The following MACROD2 variants were observed in gnomAD, a reference collection of about 807,000 sequenced individuals.
MACROD2 encodes the protein mono-ADP ribosylhydrolase 2.
A neutral mutation model predicts 70.4 loss-of-function variants in MACROD2; 36 were observed. The ratio of observed to expected loss-of-function variants is 0.51; its 90% CI spans 0.39 to 0.68. The LOEUF is 0.68. Ranked by LOEUF, MACROD2 falls within the 30% of genes least tolerant of loss-of-function variation. MACROD2 has a pLI of 0.00. For missense variants in MACROD2, 496 were observed against 538.4 expected, an observed-to-expected ratio of 0.92 and a Z score of 0.78; for synonymous variants, 172 against 178.8, an observed-to-expected ratio of 0.96 and a Z score of 0.30.
At chr20:14,389,421 CAAAAA>C (rs4052956) in intron 3 of MACROD2, among the ~76,000 whole-genome samples, 1 of 90,042 alleles carries the variant, frequency 1.1e-5, no homozygotes, top group African/African-American at 4.4e-5. Context: ...GACTTGGTCT[CAAAAA>C]AAAAAAAAAA....
chr20:14,860,170 T>C (rs1342357777), intron 5 of MACROD2, among the ~76,000 whole-genome samples: 1 of 152,162 alleles, frequency 6.6e-6, no homozygotes, highest in Non-Finnish European at 1.5e-5. Flanking sequence ...TATTGTCTGG[T>C]TGCTTCCTGA....
chr20:14,812,235 T>C (rs1398462528), intron 5 of MACROD2, among the ~76,000 whole-genome samples: 2 of 152,072 alleles, frequency 1.3e-5, no homozygotes, highest in Non-Finnish European at 2.9e-5. Context: ...CACCATGGAA[T>C]ACTATGCAGC....
intron 7 of MACROD2, among the ~76,000 whole-genome samples, chr20:15,450,708 A>G (rs927446636): frequency 5.3e-5 from 8 of 152,172 alleles, no homozygotes; most frequent in Non-Finnish European, 1.0e-4. Context: ...AATAGTGACA[A>G]TGAGCTTTCT....
intron 8 of MACROD2, among the ~76,000 whole-genome samples, chr20:15,593,412 A>G (rs1451170230): frequency 6.6e-6 from 1 of 152,178 alleles, no homozygotes; most frequent in Non-Finnish European, 1.5e-5. Context: ...TGTATCTCAA[A>G]TTCTCTAGTG....
chr20:14,875,423 T>G (rs2073539508), intron 5 of MACROD2, among the ~76,000 whole-genome samples: 1 of 152,124 alleles, frequency 6.6e-6, no homozygotes, highest in Non-Finnish European at 1.5e-5. Flanking sequence ...TCATCAAAAT[T>G]TATGCATCCA....
chr20:14,531,824 G>A (rs1034926177), intron 4 of MACROD2, among the ~76,000 whole-genome samples: 11 of 152,078 alleles, frequency 7.2e-5, no homozygotes, highest in African/African-American at 1.4e-4. Flanking sequence ...AGCTACCTCC[G>A]GGAAGGGAAG....
intron 4 of MACROD2, among the ~76,000 whole-genome samples, chr20:14,664,867 T>C (rs965800282): frequency 6.6e-6 from 1 of 152,082 alleles, no homozygotes; most frequent in Admixed American, 6.6e-5. Context: ...CAAAATAGTA[T>C]TGATGGACAA....
At chr20:15,062,150 G>A (rs916459194) in intron 5 of MACROD2, among the ~76,000 whole-genome samples, 1 of 152,172 alleles carries the variant, frequency 6.6e-6, no homozygotes, top group Non-Finnish European at 1.5e-5. Flanking sequence ...GGCCTTGTGC[G>A]TGAGAGAGAG....
chr20:15,819,381 AT>A (rs2063913091), intron 8 of MACROD2, among the ~76,000 whole-genome samples: 1 of 144,090 alleles, frequency 6.9e-6, no homozygotes, highest in South Asian at 2.1e-4. Context: ...AAATATAAAT[AT>A]AGATAACATA....
In MACROD2 at chr20:15,816,486, A is replaced by G. The variant is rs2063876850; in HGVS notation, c.646-46259A>G. Among the ~76,000 whole-genome samples, 3 of 152,282 alleles carry G rather than the reference A, an allele frequency of 2.0e-5. No homozygotes were observed. The South Asian group carries it at 6.2e-4, about 32-fold the overall frequency. On this transcript the variant is annotated intron_variant, in intron 8 of 17. Transcript: ENST00000684519. ...GTTTCTGATTTTAACCAAAAAAAAA[A>G]TAGATTTTCATCATTTACAAGCCAT... is the stretch of plus-strand genomic sequence containing the variant.
chr20:15,935,011 G>C (rs1329605467), intron 11 of MACROD2, among the ~76,000 whole-genome samples: 2 of 12,506 alleles, frequency 1.6e-4, no homozygotes, highest in Non-Finnish European at 1.5e-3. Context: ...TATCGAAAAA[G>C]ATTGTTTCCA....
chr20:15,408,799 C>T (rs1238043345), intron 6 of MACROD2, among the ~76,000 whole-genome samples: 3 of 152,168 alleles, frequency 2.0e-5, no homozygotes, highest in Non-Finnish European at 4.4e-5. Context: ...CTATTATCTT[C>T]AAGTATGTCT....
At chr20:15,179,152 G>T (rs181846494) in intron 5 of MACROD2, among the ~76,000 whole-genome samples, 3 of 152,324 alleles carry the variant, frequency 2.0e-5, no homozygotes, top group Admixed American at 2.0e-4. Flanking sequence ...CTGGTAGGTG[G>T]CATGAAGGGG....
At chr20:14,987,212 T>A (rs2074857410) in intron 5 of MACROD2, among the ~76,000 whole-genome samples, 1 of 152,172 alleles carries the variant, frequency 6.6e-6, no homozygotes, top group African/African-American at 2.4e-5. Context: ...GTCACAAATC[T>A]AACAATTGAT....
chr20:15,206,721 G>GTTTTTTTCTTTTTTTTTTTTTTTTT (rs2076707308), intron 5 of MACROD2, among the ~76,000 whole-genome samples: 1 of 32,990 alleles, frequency 3.0e-5, no homozygotes, highest in Non-Finnish European at 5.1e-5. Flanking sequence ...TATTATCTAT[G>GTTTTTTTCTTTTTTTTTTTTTTTTT]TTTTTTTTTT....
At chr20:14,954,058 G>A (rs185795324) in intron 5 of MACROD2, among the ~76,000 whole-genome samples, 23 of 152,126 alleles carry the variant, frequency 1.5e-4, no homozygotes, top group Admixed American at 3.3e-4. Flanking sequence ...GTTCTAATGC[G>A]GTAAATAGAT....
intron 6 of MACROD2, among the ~76,000 whole-genome samples, chr20:15,302,227 G>T (rs2077651835): frequency 6.6e-6 from 1 of 152,072 alleles, no homozygotes; most frequent in African/African-American, 2.4e-5. Context: ...TCTTTCTGAA[G>T]GTCATTCCTT....
At chr20:15,626,864 CAAAAA>C (rs542404456) in intron 8 of MACROD2, among the ~76,000 whole-genome samples, 1 of 150,048 alleles carries the variant, frequency 6.7e-6, no homozygotes, top group Non-Finnish European at 1.5e-5. Context: ...CCCACCCCCC[CAAAAA>C]AAAATTGCAA....
At chr20:14,685,051 G>A in intron 5 of MACROD2, 92 bp downstream of exon 5, 1 of 973,408 alleles carries the variant, frequency 1.0e-6, no homozygotes, top group South Asian at 1.5e-5. Flanking sequence ...TGGCAGTGGT[G>A]GTATTTAATT....
Sources: gnomAD v4.1 joint callset for allele counts (sites outside exome capture counted in the v4.1 genomes callset) on GRCh38, gnomAD v4.1.1 for gene constraint, MANE v1.5 for transcripts, NCBI Gene and HGNC (gene_info 2026-07-23, HGNC 2026-07-21) for gene names.